The following MAP3K15 variants were observed in gnomAD, a reference collection of about 807,000 sequenced individuals.
MAP3K15 encodes mitogen-activated protein kinase kinase kinase 15.
MAP3K15 carries 124 observed loss-of-function variants against 99.5 expected under a neutral mutation model. The ratio of observed to expected loss-of-function variants is 1.25; its 90% CI spans 1.08 to 1.45. The LOEUF (loss-of-function observed/expected upper bound fraction) is 1.45. Ranked by LOEUF, MAP3K15 falls within the 40% of genes most tolerant of loss-of-function variation. The pLI is 0.00. For synonymous variants in MAP3K15, 494 were observed against 439.6 expected (o/e 1.12, Z -1.55); for missense variants, 1,242 against 1,079.7 (o/e 1.15, Z -2.11).
intron 3 of MAP3K15, among the ~76,000 whole-genome samples, chrX:19,478,974 C>A (rs935344728): frequency 9.0e-6 from 1 of 111,232 alleles, no homozygotes; most frequent in African/African-American, 3.3e-5. Flanking sequence ...TGGTGCCTCT[C>A]TAGCAAGGCT....
intron 4 of MAP3K15, among the ~76,000 whole-genome samples, chrX:19,462,182 A>G (rs1197654097): frequency 8.9e-6 from 1 of 112,108 alleles, no homozygotes; most frequent in Non-Finnish European, 1.9e-5. Context: ...ACTTTCAATA[A>G]TTACAAAACA....
At chrX:19,497,100 A>G (rs1289473796) in intron 1 of MAP3K15, 2 of 109,076 alleles carry the variant, frequency 1.8e-5, no homozygotes, top group Non-Finnish European at 3.8e-5. Flanking sequence ...AAACTTATCT[A>G]TTTGCTTCTT....
chrX:19,477,157 C>T (rs1047254222), intron 3 of MAP3K15, among the ~76,000 whole-genome samples: 1 of 111,662 alleles, frequency 9.0e-6, no homozygotes, highest in Non-Finnish European at 1.9e-5. Context: ...AAAGACATAT[C>T]CAGTTGGCAG....
chrX:19,450,480 C>T (rs2064029106), intron 6 of MAP3K15, among the ~76,000 whole-genome samples: 1 of 110,555 alleles, frequency 9.0e-6, no homozygotes, highest in South Asian at 4.0e-4. Context: ...ATGCAGAACA[C>T]TGCAGTGAAA....
At chrX:19,505,395 C>G (rs1326837515) in intron 1 of MAP3K15, among the ~76,000 whole-genome samples, 1 of 111,985 alleles carries the variant, frequency 8.9e-6, no homozygotes, top group Non-Finnish European at 1.9e-5. Context: ...ACAAACGATG[C>G]CAAAATCTCA....
chrX:19,504,357 G>A (rs2064460875), intron 1 of MAP3K15, among the ~76,000 whole-genome samples: 1 of 110,819 alleles, frequency 9.0e-6, no homozygotes, highest in African/African-American at 3.3e-5. Flanking sequence ...AGCCCAAAGT[G>A]ATGCTTGCTG....
intron 3 of MAP3K15, among the ~76,000 whole-genome samples, chrX:19,485,116 C>G (rs1379884580): frequency 9.1e-6 from 1 of 110,050 alleles, no homozygotes; most frequent in Non-Finnish European, 1.9e-5. Context: ...CAAGACCAGC[C>G]TGGCCAACAT....
At chrX:19,401,270 A>C (rs923383639) in intron 13 of MAP3K15, among the ~76,000 whole-genome samples, 1 of 109,537 alleles carries the variant, frequency 9.1e-6, no homozygotes, top group Non-Finnish European at 1.9e-5. Context: ...TCACAGCTCA[A>C]TGCAGCCTCA....
At chrX:19,493,543 A>G (rs1307245453) in intron 1 of MAP3K15, among the ~76,000 whole-genome samples, 1 of 111,419 alleles carries the variant, frequency 9.0e-6, no homozygotes, top group Non-Finnish European at 1.9e-5. Context: ...CTGATTTATA[A>G]ATTGTTAATT....
At chrX:19,501,943 G>A (rs896983786) in intron 1 of MAP3K15, among the ~76,000 whole-genome samples, 5 of 112,065 alleles carry the variant, frequency 4.5e-5, no homozygotes, top group Non-Finnish European at 9.4e-5. Flanking sequence ...GCATATGCCT[G>A]TAATCCCAAC....
At chrX:19,368,943 T>C in intron 25 of MAP3K15, 111 bp downstream of exon 25, 1 of 870,882 alleles carries the variant, frequency 1.1e-6, no homozygotes, top group Admixed American at 4.5e-5. Context: ...AGCTGCTTTT[T>C]CCTAAGACCT....
chrX:19,473,369 CAG>C (rs1332642107), intron 3 of MAP3K15, among the ~76,000 whole-genome samples: 2 of 112,088 alleles, frequency 1.8e-5, no homozygotes, highest in Non-Finnish European at 3.8e-5. Context: ...GGAACACATT[CAG>C]ACTCTTGTTG....
intron 12 of MAP3K15, among the ~76,000 whole-genome samples, chrX:19,407,803 A>G (rs1301293131): frequency 8.9e-6 from 1 of 112,328 alleles, no homozygotes; most frequent in African/African-American, 3.2e-5. Flanking sequence ...TCTACAGCTC[A>G]TCCAACAAGC....
chrX:19,463,456 C>T (rs1247147987), intron 4 of MAP3K15, among the ~76,000 whole-genome samples: 2 of 111,955 alleles, frequency 1.8e-5, no homozygotes, highest in African/African-American at 6.5e-5. Flanking sequence ...AAATCCTTCT[C>T]CTTGTGACAC....
chrX:19,417,650 T>C (rs751982095), intron 9 of MAP3K15, among the ~76,000 whole-genome samples: 11 of 111,981 alleles, frequency 9.8e-5, no homozygotes, highest in African/African-American at 3.6e-4. Flanking sequence ...ATCAGAATCC[T>C]CTGCAGACTT....
At chrX:19,416,642 G>T (rs1013867036) in intron 9 of MAP3K15, among the ~76,000 whole-genome samples, 3 of 112,144 alleles carry the variant, frequency 2.7e-5, no homozygotes, top group Non-Finnish European at 5.6e-5. Flanking sequence ...GCCATTTCAA[G>T]ATAAATGAAG....
chrX:19,460,805 C>T (rs1469357367), intron 4 of MAP3K15, among the ~76,000 whole-genome samples: 1 of 107,494 alleles, frequency 9.3e-6, no homozygotes, highest in Non-Finnish European at 1.9e-5. Context: ...GACGGAGTCT[C>T]CCTCTGTTGC....
intron 4 of MAP3K15, among the ~76,000 whole-genome samples, chrX:19,463,738 A>T (rs1050334427): frequency 2.7e-5 from 3 of 111,223 alleles, no homozygotes; most frequent in Non-Finnish European, 3.8e-5. Flanking sequence ...CATCCTGAGG[A>T]TAGCTGCAGC....
At chrX:19,512,053 C>A (rs772795084) in intron 1 of MAP3K15, among the ~76,000 whole-genome samples, 1 of 111,460 alleles carries the variant, frequency 9.0e-6, no homozygotes, top group Non-Finnish European at 1.9e-5. Context: ...TCATCCTCAG[C>A]AAACTAACAC....
Sources: allele counts gnomAD v4.1 joint callset (sites outside exome capture counted in the v4.1 genomes callset), GRCh38; gene constraint gnomAD v4.1.1; transcripts MANE v1.5; gene names NCBI Gene and HGNC (gene_info 2026-07-23, HGNC 2026-07-21).